Variants in SFTPA1 observed in about 807,000 individuals in gnomAD.
SFTPA1 encodes the protein surfactant protein A1.
In SFTPA1, 13 loss-of-function variants were observed where a neutral mutation model predicts 19.1. The ratio of observed to expected loss-of-function variants is 0.68; its 90% confidence interval spans 0.44 to 1.08. The LOEUF (loss-of-function observed/expected upper bound fraction) is 1.08. Among genes scored for constraint, SFTPA1 ranks in the 50% least tolerant of loss-of-function variants. The probability of loss-of-function intolerance (pLI) is 0.00; values close to 1 mark genes in which losing one functional copy is unlikely to be tolerated. For synonymous variants in SFTPA1, 101 were observed against 117.0 expected (o/e 0.86, Z 0.88); for missense variants, 259 against 316.4 (o/e 0.82, Z 1.38).
rs1360986317 is a variant in SFTPA1 at position 79,615,025 on chromosome 10, GA to G, written c.*913del. The G allele has an allele frequency of 1.2e-5, 16 of 1,305,262 alleles. No homozygotes were observed. Among genetic ancestry groups the G allele is most frequent in the Non-Finnish European group, 1.6e-5 (16 of 988,884 alleles). The allele number at this position is 1,305,262 out of a possible 1,614,324, so 80.9% of individuals were successfully genotyped here. ...GGCAAGGTAATCAGTGACAGTTGAAGATTTTTTTTTCCCAGAGCTTATGTCT... is the reference window on the plus strand; with the variant it reads ...GGCAAGGTAATCAGTGACAGTTGAAGTTTTTTTTTCCCAGAGCTTATGTCT... On this transcript the variant is annotated 3_prime_UTR_variant, in exon 6 of 6. Transcript: ENST00000398636.
chr10:79,613,264 G>T lies in SFTPA1; in HGVS notation c.368G>T (p.Gly123Val), dbSNP rs549832850. 1 of 1,614,084 alleles carries T rather than the reference G, an allele frequency of 6.2e-7. No homozygotes were observed. Among genetic ancestry groups the T allele is most frequent in the Non-Finnish European group, 8.5e-7 (1 of 1,180,000 alleles). ...DFRHQILQTR[G>V]ALSLQGSIMT... is the part of the protein sequence containing the mutation. Reference sequence around the variant, plus strand: ...AGACATCAAATCCTGCAGACAAGGGGAGGTAAGGGGACCCCCTGGGCCTCA... The same window carrying T: ...AGACATCAAATCCTGCAGACAAGGGTAGGTAAGGGGACCCCCTGGGCCTCA... Residue 123 changes from glycine (G) to valine (V), a missense_variant and splice_region_variant, in exon 5 of 6, where the codon GGA becomes GTA. Coordinates refer to ENST00000398636, the MANE Select transcript of SFTPA1 (RefSeq NM_005411.5).
chr10:79,615,169 T>C lies in SFTPA1; in HGVS notation c.*1056T>C, dbSNP rs188891590. The C allele has an allele frequency of 3.1e-5, 35 of 1,144,684 alleles. No homozygotes were observed. The African/African-American group carries it at 4.5e-4, about 15-fold the overall frequency. The allele number at this position is 1,144,684 out of a possible 1,614,324, so 70.9% of individuals were successfully genotyped here. Reference sequence around the variant, plus strand: ...ACAGAGGCTATTGACTGAGCACCTATCATTTGCCAAGAACCTTGACAAGCA... The same window carrying C: ...ACAGAGGCTATTGACTGAGCACCTACCATTTGCCAAGAACCTTGACAAGCA... On this transcript the variant is annotated 3_prime_UTR_variant, in exon 6 of 6. Coordinates refer to ENST00000398636, the MANE Select transcript of SFTPA1 (RefSeq NM_005411.5).
chr10:79,614,460 C>T lies in SFTPA1; in HGVS notation c.*347C>T. The T allele has an allele frequency of 3.1e-6, 1 of 317,522 alleles. No individual in the cohort carries two copies. The highest frequency in any genetic ancestry group is 6.2e-5 in the East Asian group (1 of 16,028). The allele number at this position is 317,522 out of a possible 1,614,324, so 19.7% of individuals were successfully genotyped here. On this transcript the variant is annotated 3_prime_UTR_variant, in exon 6 of 6. Transcript: ENST00000398636. ...AGTGAGGTCTTGGGGTAGAAGGACC[C>T]TCCAAAGTCACACAAAGTGCCTGCC...
At position 79,611,923 on chromosome 10, in the gene SFTPA1, C is replaced by T; in HGVS notation, c.98C>T (p.Pro33Leu). Reference protein sequence around the residue: ...KDVCVGSPGIPGTPGSHGLPG... With the variant: ...KDVCVGSPGILGTPGSHGLPG... ...GTTTGTGTTGGAAGCCCTGGTATCC[C>T]CGGCACTCCTGGATCCCACGGCCTG... The change falls in exon 3 of 6, where the codon CCC (proline) becomes CTC (leucine). Residue 33 changes from proline to leucine, a missense_variant. Physicochemically the swap from Pro to Leu is moderately conservative, Grantham distance 98. Transcript: ENST00000398636. The T allele has an allele frequency of 3.7e-6, 6 of 1,613,910 alleles. No homozygotes were observed. Among genetic ancestry groups the T allele is most frequent in the Non-Finnish European group, 5.1e-6 (6 of 1,179,838 alleles).
Position 79,613,880 on chromosome 10 carries a change from G to A in SFTPA1, c.514G>A (p.Glu172Lys), listed in dbSNP as rs562024233. The change falls in exon 6 of 6, where the codon GAG becomes AAG. Residue 172 changes from glutamate (E) to lysine (K), a missense_variant. Transcript: ENST00000398636. ...IAVPRNPEEN[E>K]AIASFVKKYN... is the part of the protein sequence containing the mutation. ...TGTCCCAAGGAATCCAGAGGAAAATGAGGCCATTGCAAGCTTCGTGAAGAA... is the reference window on the plus strand; with the variant it reads ...TGTCCCAAGGAATCCAGAGGAAAATAAGGCCATTGCAAGCTTCGTGAAGAA... The A allele has an allele frequency of 5.6e-6, 9 of 1,614,012 alleles. No individual in the cohort carries two copies. The African/African-American group carries it at 1.1e-4, about 19-fold the overall frequency.
rs1375582665 is a variant in SFTPA1 at position 79,614,096 on chromosome 10, A to T, written c.730A>T (p.Thr244Ser). ...CAGGAACTGCCTGTACTCCCGACTG[A>T]CCATCTGTGAGTTCTGAGAGGCATT... ...NDRNCLYSRL[T>S]ICEF The change falls in exon 6 of 6, where the codon ACC becomes TCC. Residue 244 changes from threonine to serine, a missense_variant. Transcript: ENST00000398636. 1 of 1,614,042 alleles carries T rather than the reference A, an allele frequency of 6.2e-7. No homozygotes were observed. Among genetic ancestry groups the T allele is most frequent in the Non-Finnish European group, 8.5e-7 (1 of 1,180,028 alleles).
intron 5 of SFTPA1, 26 bp downstream of exon 5, chr10:79,613,292 G>A (rs1292983116): frequency 1.9e-6 from 3 of 1,613,992 alleles, no homozygotes; most frequent in East Asian, 2.2e-5. Flanking sequence ...GGGCCTCACG[G>A]GGTAGGAGTT....
chr10:79,611,193 C>T (rs4253596), intron 1 of SFTPA1, 126 bp from the exon 2 acceptor site: 7,759 of 185,748 alleles, frequency 0.042, 229 homozygotes, highest in Middle Eastern at 0.098. Flanking sequence ...TCCATCCCTA[C>T]AGGGTTCAGC....
Position 79,614,327 on chromosome 10 carries a change from C to T in SFTPA1, c.*214C>T. The T allele has an allele frequency of 1.4e-6, 1 of 738,392 alleles. No individual in the cohort carries two copies. The highest frequency in any genetic ancestry group is 2.2e-6 in the Non-Finnish European group (1 of 463,596). 45.7% of individuals were successfully genotyped at this position (738,392 alleles called of 1,614,324 possible). A position where few individuals can be genotyped will look rare whatever the true frequency, so the allele number is the denominator to read the frequency against. On this transcript the variant is annotated 3_prime_UTR_variant, in exon 6 of 6. Coordinates refer to ENST00000398636, the MANE Select transcript of SFTPA1 (RefSeq NM_005411.5). ...AGCCTTGACACTCCCCTTGCAAACTCTCCCAGCACTGCACCCCAGGCAGCC... is the reference window on the plus strand; with the variant it reads ...AGCCTTGACACTCCCCTTGCAAACTTTCCCAGCACTGCACCCCAGGCAGCC...
rs3997774 is a variant in SFTPA1, at chr10:79,611,650, G to A, written c.-23-153G>A. 89 of 1,554,926 alleles carry A rather than the reference G, an allele frequency of 5.7e-5. No individual in the cohort carries two copies. In the African/African-American group the frequency reaches 1.1e-3, roughly 19 times the overall value. On this transcript the variant is annotated intron_variant, in intron 2 of 5. Coordinates refer to ENST00000398636, the MANE Select transcript of SFTPA1 (RefSeq NM_005411.5). ...GCCATGCCAGGTGCCAGGTGATGCT[G>A]GGAATTTTCCCGGGAGCTTCGGGTC...
chr10:79,612,475 C>T (rs1564686887), intron 4 of SFTPA1, 44 bp downstream of exon 4: 4 of 1,609,230 alleles, frequency 2.5e-6, no homozygotes, highest in Admixed American at 1.7e-5. Flanking sequence ...ATGGGCACAG[C>T]GACCCTGAAG....
chr10:79,613,344 A>G (rs920085177), intron 5 of SFTPA1, 78 bp downstream of exon 5: 16 of 1,599,474 alleles, frequency 1.0e-5, no homozygotes, highest in Non-Finnish European at 1.4e-5. Context: ...CTTCTAGAAC[A>G]TAGAGATTAC....
Position 79,614,006 on chromosome 10 carries a change from G to T in SFTPA1, c.640G>T (p.Gly214Trp). 6.2e-7 allele frequency: 1 copy of T among 1,614,204 alleles called. No homozygotes were observed. Among genetic ancestry groups the T allele is most frequent in the East Asian group, 2.2e-5 (1 of 44,870 alleles). Residue 214 changes from glycine to tryptophan, a missense_variant, in exon 6 of 6, where the codon GGG becomes TGG. Transcript: ENST00000398636. ...TPVNYTNWYR[G>W]EPAGRGKEQC... ...TGTAAACTACACCAACTGGTACCGA[G>T]GGGAGCCCGCAGGTCGGGGAAAAGA...
chr10:79,612,557 T>C, intron 4 of SFTPA1, 126 bp downstream of exon 4: 1 of 1,423,638 alleles, frequency 7.0e-7, no homozygotes. Flanking sequence ...TCAACCTAAG[T>C]AAGAGAGGAT....
In SFTPA1 at chr10:79,614,354, C is replaced by G. The variant is rs1037938770; in HGVS notation, c.*241C>G. 1.5e-6 allele frequency: 1 copy of G among 648,020 alleles called. No homozygotes were observed. The highest frequency in any genetic ancestry group is 2.6e-6 in the Non-Finnish European group (1 of 383,910). The allele number at this position is 648,020 out of a possible 1,614,324, so 40.1% of individuals were successfully genotyped here. On this transcript the variant is annotated 3_prime_UTR_variant, in exon 6 of 6. Coordinates refer to ENST00000398636, the MANE Select transcript of SFTPA1 (RefSeq NM_005411.5). Reference sequence around the variant, plus strand: ...CCCAGCACTGCACCCCAGGCAGCCACTCTTAGCCTTGGCCTTCGACATGAG... The same window carrying G: ...CCCAGCACTGCACCCCAGGCAGCCAGTCTTAGCCTTGGCCTTCGACATGAG...
Position 79,612,446 on chromosome 10 carries a change from G to C in SFTPA1, c.292+15G>C. ...GGGCCCTCCAGGTGAGCAGGGTGGG[G>C]CAGGTGGGCAGTGGAAACATGGGCA... On this transcript the variant is annotated intron_variant, in intron 4 of 5. Coordinates refer to ENST00000398636, the MANE Select transcript of SFTPA1 (RefSeq NM_005411.5). The C allele has an allele frequency of 6.2e-7, 1 of 1,612,142 alleles. No individual in the cohort carries two copies. The highest frequency in any genetic ancestry group is 1.3e-5 in the African/African-American group (1 of 74,738).
rs1859815109 is a variant in SFTPA1 at position 79,610,944 on chromosome 10, G to C, written c.-133G>C. 6.6e-6 allele frequency: 1 copy of C among 152,310 alleles called. No individual in the cohort carries two copies. Among genetic ancestry groups the C allele is most frequent in the South Asian group, 2.1e-4 (1 of 4,828 alleles). 9.4% of individuals were successfully genotyped at this position (152,310 alleles called of 1,614,324 possible). On this transcript the variant is annotated 5_prime_UTR_variant, in exon 1 of 6. Coordinates refer to ENST00000398636, the MANE Select transcript of SFTPA1 (RefSeq NM_005411.5). ...CTGCGTCTACCTTACCCTCTGACTTGGAGGCAGAGACCCAAGCAGCTGGAG... is the reference window on the plus strand; with the variant it reads ...CTGCGTCTACCTTACCCTCTGACTTCGAGGCAGAGACCCAAGCAGCTGGAG...
rs200428104 is a variant in SFTPA1 at position 79,612,405 on chromosome 10, G to A, written c.266G>A (p.Gly89Glu). 2.5e-6 allele frequency: 4 copies of A among 1,613,850 alleles called. No homozygotes were observed. In the South Asian group the frequency reaches 3.3e-5, roughly 13 times the overall value. Residue 89 changes from glycine (G) to glutamate (E), a missense_variant, in exon 4 of 6, where the codon GGG becomes GAG. Physicochemically the swap from Gly to Glu is moderately conservative, Grantham distance 98. Coordinates refer to ENST00000398636, the MANE Select transcript of SFTPA1 (RefSeq NM_005411.5). ...ATCCCTGGAGAGTGTGGAGAGAAGGGGGAGCCTGGCGAGAGGGGCCCTCCA... is the reference window on the plus strand; with the variant it reads ...ATCCCTGGAGAGTGTGGAGAGAAGGAGGAGCCTGGCGAGAGGGGCCCTCCA... ...PGIPGECGEKGEPGERGPPGL... is the reference protein window; with the variant it reads ...PGIPGECGEKEEPGERGPPGL...
At chr10:79,611,055 A>T (rs567430076) in intron 1 of SFTPA1, 73 bp downstream of exon 1, 1 of 155,682 alleles carries the variant, frequency 6.4e-6, no homozygotes, top group African/African-American at 2.4e-5. Flanking sequence ...CCCAGCAGCC[A>T]CAGGCCTGAC....
Sources: gnomAD v4.1 joint callset for allele counts on GRCh38, gnomAD v4.1.1 for gene constraint, MANE v1.5 for transcripts, NCBI Gene and HGNC (gene_info 2026-07-23, HGNC 2026-07-21) for gene names.